Variants in MBD5 observed in about 807,000 individuals in gnomAD.
MBD5 encodes the protein methyl-CpG binding domain protein 5, also known as methyl-CpG-binding domain protein 5.
Under a neutral mutation model 117.3 loss-of-function variants are expected in MBD5, and 13 were observed. The ratio of observed to expected loss-of-function variants is 0.11; its 90% CI spans 0.07 to 0.18. The LOEUF is 0.18. MBD5 is among the 10% of genes least tolerant of loss of function. The probability of loss-of-function intolerance (pLI) is 1.00; values close to 1 mark genes in which losing one functional copy is unlikely to be tolerated. For missense variants in MBD5, 1,879 were observed against 2,093.8 expected (o/e 0.90, Z 2.00); for synonymous variants, 727 against 766.4 (o/e 0.95, Z 0.85).
intron 4 of MBD5, among the ~76,000 whole-genome samples, chr2:148,428,465 TG>T (rs1376733083): frequency 6.6e-6 from 1 of 152,166 alleles, no homozygotes; most frequent in African/African-American, 2.4e-5. Context: ...AAGCTACCAT[TG>T]AGTTTCTTCA....
At chr2:148,292,564 A>G (rs967477799) in intron 3 of MBD5, among the ~76,000 whole-genome samples, 2 of 152,174 alleles carry the variant, frequency 1.3e-5, no homozygotes, top group African/African-American at 2.4e-5. Flanking sequence ...AAGATAGGTA[A>G]TAACAAATGC....
intron 3 of MBD5, among the ~76,000 whole-genome samples, chr2:148,254,213 C>T (rs1319567578): frequency 6.6e-6 from 1 of 152,200 alleles, no homozygotes; most frequent in Non-Finnish European, 1.5e-5. Flanking sequence ...TCTCCCATGA[C>T]CCACTCGCAG....
intron 3 of MBD5, among the ~76,000 whole-genome samples, chr2:148,316,338 G>A (rs1702157415): frequency 6.6e-6 from 1 of 152,126 alleles, no homozygotes; most frequent in African/African-American, 2.4e-5. Context: ...CTTGATATTT[G>A]TATGAGTAGG....
chr2:148,152,185 A>C (rs1323594362), intron 1 of MBD5, among the ~76,000 whole-genome samples: 1 of 152,040 alleles, frequency 6.6e-6, no homozygotes, highest in Non-Finnish European at 1.5e-5. Flanking sequence ...TTCTGCCTTC[A>C]TCTCGTTATG....
At chr2:148,171,144 A>G (rs535386901) in intron 1 of MBD5, among the ~76,000 whole-genome samples, 2 of 152,330 alleles carry the variant, frequency 1.3e-5, no homozygotes, top group Admixed American at 6.5e-5. Flanking sequence ...TGAGGCTAGC[A>G]TTACTCTGAT....
intron 4 of MBD5, among the ~76,000 whole-genome samples, chr2:148,400,938 C>T (rs1704900542): frequency 6.6e-6 from 1 of 152,054 alleles, no homozygotes; most frequent in Admixed American, 6.6e-5. Context: ...CAGAGAAAGC[C>T]TTTTGATCTA....
intron 4 of MBD5, among the ~76,000 whole-genome samples, chr2:148,375,375 C>G (rs1703962864): frequency 6.6e-6 from 1 of 152,160 alleles, no homozygotes; most frequent in South Asian, 2.1e-4. Context: ...GTTGTCTAAT[C>G]AGTAATGTTG....
intron 3 of MBD5, among the ~76,000 whole-genome samples, chr2:148,301,528 GAAGTA>G (rs1467993336): frequency 6.6e-6 from 1 of 152,006 alleles, no homozygotes; most frequent in Non-Finnish European, 1.5e-5. Context: ...GGAAGGAAGG[GAAGTA>G]AAGTACACTT....
At chr2:148,415,064 T>C (rs964457631) in intron 4 of MBD5, among the ~76,000 whole-genome samples, 1 of 152,210 alleles carries the variant, frequency 6.6e-6, no homozygotes, top group African/African-American at 2.4e-5. Context: ...ATAGTGTCAA[T>C]GGTCTATGTA....
chr2:148,226,126 AT>A (rs1418602944), intron 2 of MBD5, among the ~76,000 whole-genome samples: 1 of 148,218 alleles, frequency 6.7e-6, no homozygotes, highest in Non-Finnish European at 1.5e-5. Flanking sequence ...TTTTTTCATT[AT>A]TATACTTTAA....
At chr2:148,297,648 T>C (rs1257958784) in intron 3 of MBD5, among the ~76,000 whole-genome samples, 1 of 152,216 alleles carries the variant, frequency 6.6e-6, no homozygotes, top group African/African-American at 2.4e-5. Flanking sequence ...TCCAGGAAGA[T>C]TGTTCTTAAC....
chr2:148,484,175 G>A (rs996104130), intron 9 of MBD5, 40 bp downstream of exon 9: 14 of 1,383,724 alleles, frequency 1.0e-5, no homozygotes, highest in Non-Finnish European at 1.3e-5. Context: ...CAAAAGAAAC[G>A]TTTTTCTAAT....
intron 4 of MBD5, among the ~76,000 whole-genome samples, chr2:148,428,711 C>A (rs1574414527): frequency 6.6e-6 from 1 of 152,188 alleles, no homozygotes; most frequent in African/African-American, 2.4e-5. Context: ...ACCATCTGAT[C>A]TTTGACAAAC....
chr2:148,304,177 T>G (rs1419719581), intron 3 of MBD5, among the ~76,000 whole-genome samples: 2 of 152,222 alleles, frequency 1.3e-5, no homozygotes, highest in African/African-American at 4.8e-5. Context: ...AAACAGTATT[T>G]ACTGTACCCA....
At chr2:148,156,071 T>C (rs1435626855) in intron 1 of MBD5, among the ~76,000 whole-genome samples, 2 of 152,182 alleles carry the variant, frequency 1.3e-5, no homozygotes, top group African/African-American at 4.8e-5. Context: ...CTCAAAATCA[T>C]CCCGGACAGG....
chr2:148,134,924 C>T (rs1697138327), intron 1 of MBD5, among the ~76,000 whole-genome samples: 1 of 152,148 alleles, frequency 6.6e-6, no homozygotes, highest in Non-Finnish European at 1.5e-5. Context: ...GTAGTTTCCT[C>T]GGACAGGGTA....
At chr2:148,206,875 G>A (rs533569929) in intron 2 of MBD5, among the ~76,000 whole-genome samples, 41 of 152,286 alleles carry the variant, frequency 2.7e-4, no homozygotes, top group Middle Eastern at 6.8e-3. Context: ...AGGTTAAATA[G>A]CATGGCATCA....
At chr2:148,170,885 C>T (rs1291313305) in intron 1 of MBD5, among the ~76,000 whole-genome samples, 2 of 152,108 alleles carry the variant, frequency 1.3e-5, no homozygotes, top group Non-Finnish European at 2.9e-5. Context: ...AATTAGATTA[C>T]CTAGAAGTGG....
At chr2:148,388,261 ATTAG>A (rs1002468166) in intron 4 of MBD5, among the ~76,000 whole-genome samples, 4 of 152,300 alleles carry the variant, frequency 2.6e-5, no homozygotes, top group South Asian at 2.1e-4. Context: ...GATTTTGTAA[ATTAG>A]TTAGGGGAGA....
Sources: allele counts gnomAD v4.1 joint callset (sites outside exome capture counted in the v4.1 genomes callset), GRCh38; gene constraint gnomAD v4.1.1; transcripts MANE v1.5; gene names NCBI Gene and HGNC (gene_info 2026-07-23, HGNC 2026-07-21).